The following MACROD2 variants were observed in gnomAD, a reference collection of about 807,000 sequenced individuals.
MACROD2 encodes ADP-ribose glycohydrolase MACROD2.
Under a neutral mutation model 70.4 loss-of-function variants are expected in MACROD2, and 36 were observed. The ratio of observed to expected loss-of-function variants is 0.51; its 90% CI spans 0.39 to 0.68. The LOEUF (loss-of-function observed/expected upper bound fraction) is 0.68, where lower values mean the gene tolerates loss of function less well. Ranked by LOEUF, MACROD2 falls within the 30% of genes least tolerant of loss-of-function variation. The probability of loss-of-function intolerance (pLI) is 0.00; values close to 1 mark genes in which losing one functional copy is unlikely to be tolerated. For synonymous variants in MACROD2, 172 were observed against 178.8 expected, an observed-to-expected ratio of 0.96 and a Z score of 0.30; for missense variants, 496 against 538.4, an observed-to-expected ratio of 0.92 and a Z score of 0.78.
chr20:14,364,718 C>T (rs1373721214), intron 3 of MACROD2, among the ~76,000 whole-genome samples: 1 of 152,144 alleles, frequency 6.6e-6, no homozygotes, highest in Non-Finnish European at 1.5e-5. Flanking sequence ...TATATGACCT[C>T]TTGTATTTTG....
chr20:15,162,461 G>A (rs1228682962), intron 5 of MACROD2, among the ~76,000 whole-genome samples: 1 of 152,052 alleles, frequency 6.6e-6, no homozygotes, highest in African/African-American at 2.4e-5. Flanking sequence ...CCAGCAAAGA[G>A]AGATGTCATA....
At chr20:15,826,529 GAGA>G (rs768739634) in intron 8 of MACROD2, among the ~76,000 whole-genome samples, 15 of 152,228 alleles carry the variant, frequency 9.9e-5, no homozygotes, top group South Asian at 4.1e-4. Context: ...CTTTTGAATG[GAGA>G]AGAAGTCTCA....
intron 2 of MACROD2, among the ~76,000 whole-genome samples, chr20:14,031,168 T>C (rs866210593): frequency 8.5e-5 from 13 of 152,254 alleles, no homozygotes; most frequent in South Asian, 8.3e-4. Flanking sequence ...TCATAAAACA[T>C]GTCTTTTTCC....
chr20:15,334,921 G>A (rs144178558), intron 6 of MACROD2, among the ~76,000 whole-genome samples: 4 of 151,792 alleles, frequency 2.6e-5, no homozygotes, highest in African/African-American at 7.3e-5. Flanking sequence ...ACTTGCTATC[G>A]CTCATAACGT....
chr20:16,006,179 C>A (rs1357605347), intron 15 of MACROD2, among the ~76,000 whole-genome samples: 1 of 152,150 alleles, frequency 6.6e-6, no homozygotes, highest in Non-Finnish European at 1.5e-5. Flanking sequence ...ATTCATGAGG[C>A]CTCCAGGGCT....
chr20:15,206,721 G>GTTGTTTTTTTTTTTTT (rs2076707122), intron 5 of MACROD2, among the ~76,000 whole-genome samples: 1 of 32,990 alleles, frequency 3.0e-5, no homozygotes, highest in African/African-American at 1.5e-4. Context: ...TATTATCTAT[G>GTTGTTTTTTTTTTTTT]TTTTTTTTTT....
intron 8 of MACROD2, among the ~76,000 whole-genome samples, chr20:15,761,732 A>G (rs2051439437): frequency 6.6e-6 from 1 of 152,216 alleles, no homozygotes. Flanking sequence ...CAAAATATGT[A>G]CCAGTCTCGG....
intron 9 of MACROD2, among the ~76,000 whole-genome samples, chr20:15,876,691 T>C (rs1270847163): frequency 6.6e-6 from 1 of 152,194 alleles, no homozygotes; most frequent in African/African-American, 2.4e-5. Context: ...GTCGCCACAC[T>C]GTCTTCCACA....
intron 5 of MACROD2, among the ~76,000 whole-genome samples, chr20:15,093,864 T>C (rs1306345769): frequency 6.6e-6 from 1 of 152,114 alleles, no homozygotes; most frequent in East Asian, 1.9e-4. Context: ...CTTTACCTTA[T>C]GAGGAGAAAA....
At chr20:14,041,548 A>G (rs188302405) in intron 2 of MACROD2, among the ~76,000 whole-genome samples, 22 of 152,344 alleles carry the variant, frequency 1.4e-4, no homozygotes, top group Admixed American at 5.9e-4. Flanking sequence ...AGCTCTGGAA[A>G]ACAGGAAAAG....
chr20:14,899,580 G>A (rs1161648048), intron 5 of MACROD2, among the ~76,000 whole-genome samples: 2 of 152,034 alleles, frequency 1.3e-5, no homozygotes, highest in Admixed American at 6.5e-5. Context: ...TTTTTAGAAT[G>A]GCATCAGTCA....
At chr20:14,042,067 A>G (rs1569130280) in intron 2 of MACROD2, among the ~76,000 whole-genome samples, 1 of 152,234 alleles carries the variant, frequency 6.6e-6, no homozygotes, top group Non-Finnish European at 1.5e-5. Context: ...CAAATAGCTC[A>G]GAGATAATAG....
chr20:15,507,621 C>T (rs539378576), intron 8 of MACROD2, among the ~76,000 whole-genome samples: 3 of 151,928 alleles, frequency 2.0e-5, no homozygotes, highest in African/African-American at 4.8e-5. Context: ...GTTATTGTTC[C>T]CACGGTTAGA....
At chr20:16,011,023 G>A (rs1601319760) in intron 15 of MACROD2, among the ~76,000 whole-genome samples, 2 of 152,312 alleles carry the variant, frequency 1.3e-5, no homozygotes, top group East Asian at 1.9e-4. Context: ...TATAACACTT[G>A]GGACAGAGTA....
At chr20:15,942,168 C>A (rs555835337) in intron 12 of MACROD2, among the ~76,000 whole-genome samples, 2 of 152,184 alleles carry the variant, frequency 1.3e-5, no homozygotes, top group South Asian at 4.2e-4. Context: ...GCCTGCTTAC[C>A]CCCATGTACT....
chr20:14,877,627 T>C (rs1226380697), intron 5 of MACROD2, among the ~76,000 whole-genome samples: 1 of 152,112 alleles, frequency 6.6e-6, no homozygotes, highest in Non-Finnish European at 1.5e-5. Flanking sequence ...GTATGTTCCT[T>C]CAATGCCTAG....
intron 3 of MACROD2, chr20:14,323,401 T>G (rs1267989288): frequency 1.3e-5 from 2 of 152,180 alleles, no homozygotes; most frequent in Non-Finnish European, 1.5e-5. Flanking sequence ...CCATGCCCTC[T>G]CCAGGCATGC....
At chr20:14,407,298 C>T (rs1423928462) in intron 3 of MACROD2, among the ~76,000 whole-genome samples, 1 of 151,984 alleles carries the variant, frequency 6.6e-6, no homozygotes, top group Admixed American at 6.6e-5. Context: ...TTCCTTTCCT[C>T]TCCCTCCCCC....
chr20:14,252,962 T>C (rs1467166364), intron 3 of MACROD2, among the ~76,000 whole-genome samples: 1 of 152,092 alleles, frequency 6.6e-6, no homozygotes, highest in Non-Finnish European at 1.5e-5. Context: ...ATTAAAATTA[T>C]ATACTTCATT....
Sources: gnomAD v4.1 joint callset for allele counts (sites outside exome capture counted in the v4.1 genomes callset) on GRCh38, gnomAD v4.1.1 for gene constraint, MANE v1.5 for transcripts, NCBI Gene and HGNC (gene_info 2026-07-23, HGNC 2026-07-21) for gene names.